The following DYNC1I2 variants were observed in gnomAD, a reference collection of about 807,000 sequenced individuals.
DYNC1I2 encodes dynein cytoplasmic 1 intermediate chain 2, also known as cytoplasmic dynein 1 intermediate chain 2.
DYNC1I2 carries 53 observed loss-of-function variants against 88.6 expected under a neutral mutation model. That is an observed-to-expected ratio of 0.60 (90% CI 0.48 to 0.75). The LOEUF (loss-of-function observed/expected upper bound fraction) is 0.75. Ranked by LOEUF, DYNC1I2 falls within the 30% of genes least tolerant of loss-of-function variation. The probability of loss-of-function intolerance (pLI) is 0.00; values close to 1 mark genes in which losing one functional copy is unlikely to be tolerated. For missense variants in DYNC1I2, 458 were observed against 766.6 expected, an observed-to-expected ratio of 0.60 and a Z score of 4.75; for synonymous variants, 198 against 254.6, an observed-to-expected ratio of 0.78 and a Z score of 2.12.
intron 2 of DYNC1I2, among the ~76,000 whole-genome samples, chr2:171,692,533 T>G (rs1260716074): frequency 6.6e-6 from 1 of 152,140 alleles, no homozygotes; most frequent in African/African-American, 2.4e-5. Flanking sequence ...TTAGGAAAAT[T>G]TTTGTGGAAA....
chr2:171,717,464 T>G (rs1559383972), intron 7 of DYNC1I2, among the ~76,000 whole-genome samples: 2 of 152,200 alleles, frequency 1.3e-5, no homozygotes, highest in South Asian at 4.1e-4. Flanking sequence ...TATGTTCATT[T>G]TTTTCATTCC....
At chr2:171,708,714 G>C (rs773108515) in intron 5 of DYNC1I2, among the ~76,000 whole-genome samples, 1 of 145,870 alleles carries the variant, frequency 6.9e-6, no homozygotes, top group Non-Finnish European at 1.5e-5. Context: ...TATTTTTTTT[G>C]CAGACAGGGT....
intron 5 of DYNC1I2, chr2:171,712,429 A>G: frequency 5.0e-6 from 1 of 201,568 alleles, no homozygotes; most frequent in Non-Finnish European, 9.9e-6. Flanking sequence ...CTTGTTATCC[A>G]TAAATAATTA....
Position 171,690,151 on chromosome 2 carries a change from C to T in DYNC1I2, c.-5C>T, listed in dbSNP as rs1317527271. 2 of 1,539,156 alleles carry T rather than the reference C, an allele frequency of 1.3e-6. No homozygotes were observed. Among genetic ancestry groups the T allele is most frequent in the Middle Eastern group, 2.2e-4 (1 of 4,462 alleles). ...TAATGATTATATGTTTCTAAGGTCACAAACATGTCAGACAAAAGTGAATTA... is the reference window on the plus strand; with the variant it reads ...TAATGATTATATGTTTCTAAGGTCATAAACATGTCAGACAAAAGTGAATTA... On this transcript the variant is annotated 5_prime_UTR_variant, in exon 2 of 18. Transcript: ENST00000397119.
At chr2:171,720,760 T>A (rs1475383806) in intron 7 of DYNC1I2, among the ~76,000 whole-genome samples, 1 of 152,128 alleles carries the variant, frequency 6.6e-6, no homozygotes, top group Admixed American at 6.6e-5. Flanking sequence ...AATGGATTTT[T>A]AAAAGATTTT....
intron 16 of DYNC1I2, among the ~76,000 whole-genome samples, chr2:171,744,887 C>T (rs1410591355): frequency 6.6e-6 from 1 of 152,068 alleles, no homozygotes; most frequent in Non-Finnish European, 1.5e-5. Flanking sequence ...CTGTCAATAA[C>T]AATTGTTGAG....
At chr2:171,696,902 A>G (rs962822862) in intron 3 of DYNC1I2, among the ~76,000 whole-genome samples, 4 of 152,104 alleles carry the variant, frequency 2.6e-5, no homozygotes, top group South Asian at 2.1e-4. Context: ...GTTCACAAAC[A>G]TTTTTCTTTC....
At chr2:171,689,583 G>C (rs1437858516) in intron 1 of DYNC1I2, among the ~76,000 whole-genome samples, 1 of 152,136 alleles carries the variant, frequency 6.6e-6, no homozygotes, top group African/African-American at 2.4e-5. Context: ...ATTGTGTTCA[G>C]TTTGTGTATG....
intron 7 of DYNC1I2, among the ~76,000 whole-genome samples, chr2:171,716,445 T>A (rs1477220350): frequency 6.6e-6 from 1 of 152,210 alleles, no homozygotes; most frequent in African/African-American, 2.4e-5. Context: ...AATGTATTTT[T>A]AAATTTTTAA....
intron 10 of DYNC1I2, chr2:171,726,575 T>G (rs752017042): frequency 1.9e-4 from 113 of 597,538 alleles, no homozygotes; most frequent in Non-Finnish European, 2.6e-4. Flanking sequence ...ATATTTTAAT[T>G]AAATGTTTTA....
chr2:171,717,959 CT>C (rs575201805), intron 7 of DYNC1I2, among the ~76,000 whole-genome samples: 3,943 of 136,676 alleles, frequency 0.029, 110 homozygotes, highest in African/African-American at 0.085. Flanking sequence ...TGAAGACTTT[CT>C]TTTTTTTTTT....
At chr2:171,703,647 CATT>C (rs747736845) in intron 3 of DYNC1I2, among the ~76,000 whole-genome samples, 5 of 151,840 alleles carry the variant, frequency 3.3e-5, no homozygotes, top group Non-Finnish European at 4.4e-5. Flanking sequence ...ATTTAAACCT[CATT>C]ATGAAGAGAA....
At chr2:171,711,044 G>A (rs1280046264) in intron 5 of DYNC1I2, among the ~76,000 whole-genome samples, 4 of 147,240 alleles carry the variant, frequency 2.7e-5, no homozygotes, top group Non-Finnish European at 6.0e-5. Context: ...ACAGGCCCCG[G>A]TATGTGATGT....
intron 6 of DYNC1I2, among the ~76,000 whole-genome samples, chr2:171,713,038 A>G (rs1336819269): frequency 6.6e-6 from 1 of 152,156 alleles, no homozygotes; most frequent in African/African-American, 2.4e-5. Context: ...TAAGTGTCCA[A>G]ATGTTTAAAA....
chr2:171,688,671 C>T (rs893932001), intron 1 of DYNC1I2: 8 of 152,288 alleles, frequency 5.3e-5, no homozygotes, highest in African/African-American at 1.9e-4. Flanking sequence ...AACTTTTCAT[C>T]CTTTTCGTAT....
intron 1 of DYNC1I2, chr2:171,688,327 C>T (rs1274381359): frequency 2.6e-5 from 4 of 152,124 alleles, no homozygotes; most frequent in East Asian, 3.9e-4. Context: ...AGAACGTGAA[C>T]ATGTCGGTCA....
chr2:171,718,654 C>G (rs914104653), intron 7 of DYNC1I2, among the ~76,000 whole-genome samples: 1 of 151,612 alleles, frequency 6.6e-6, no homozygotes, highest in Non-Finnish European at 1.5e-5. Context: ...AGGATGGTCT[C>G]GATCTCCTGA....
At chr2:171,692,755 G>T in intron 2 of DYNC1I2, 22 bp from the exon 3 acceptor site, 1 of 1,544,240 alleles carries the variant, frequency 6.5e-7, no homozygotes, top group South Asian at 1.2e-5. Context: ...GTAAACATAA[G>T]TTTTTAACCT....
rs1363430757 is a variant in DYNC1I2 at position 171,725,916 on chromosome 2, C to T, written c.608-3C>T. 1 of 1,560,738 alleles carries T rather than the reference C, an allele frequency of 6.4e-7. No individual in the cohort carries two copies. Among genetic ancestry groups the T allele is most frequent in the Non-Finnish European group, 8.6e-7 (1 of 1,162,962 alleles). ...ATACTTCAAAAAATTATTTATTTTC[C>T]AGCTCCCCCTCATGAGCTGACTGAA... On this transcript the variant is annotated splice_polypyrimidine_tract_variant and splice_region_variant and intron_variant, in intron 8 of 17. Coordinates refer to ENST00000397119, the MANE Select transcript of DYNC1I2 (RefSeq NM_001378.3).
Sources: allele counts gnomAD v4.1 joint callset (sites outside exome capture counted in the v4.1 genomes callset), GRCh38; gene constraint gnomAD v4.1.1; transcripts MANE v1.5; gene names NCBI Gene and HGNC (gene_info 2026-07-23, HGNC 2026-07-21).